The following PTPRD variants were observed in gnomAD, a reference collection of about 807,000 sequenced individuals.
PTPRD encodes the protein protein tyrosine phosphatase receptor type D.
In PTPRD, 34 loss-of-function variants were observed where a neutral mutation model predicts 214.5. The ratio of observed to expected loss-of-function variants is 0.16; its 90% CI spans 0.12 to 0.21. The LOEUF (loss-of-function observed/expected upper bound fraction) is 0.21. Among genes scored for constraint, PTPRD ranks in the 10% least tolerant of loss-of-function variants. The probability of loss-of-function intolerance (pLI) is 1.00; values close to 1 mark genes in which losing one functional copy is unlikely to be tolerated. For missense variants in PTPRD, 2,545 were observed against 2,398.7 expected (o/e 1.06, Z -1.27); for synonymous variants, 1,128 against 845.7 (o/e 1.33, Z -5.79).
chr9:8,509,092 AT>A (rs978753699), intron 21 of PTPRD, among the ~76,000 whole-genome samples: 2 of 152,084 alleles, frequency 1.3e-5, no homozygotes, highest in Non-Finnish European at 2.9e-5. Context: ...AGAGTATCAC[AT>A]TTTTTTCCCC....
chr9:9,509,167 C>A (rs532035691), intron 8 of PTPRD, among the ~76,000 whole-genome samples: 1 of 151,534 alleles, frequency 6.6e-6, no homozygotes. Flanking sequence ...AAAAGCCATT[C>A]TAAGTTGCTG....
intron 3 of PTPRD, among the ~76,000 whole-genome samples, chr9:10,048,556 T>C (rs1167519466): frequency 6.6e-6 from 1 of 152,058 alleles, no homozygotes; most frequent in African/African-American, 2.4e-5. Context: ...ACTCTTCCAG[T>C]GATAGATTCC....
chr9:9,340,833 G>A (rs550984984), intron 9 of PTPRD, among the ~76,000 whole-genome samples: 199 of 152,216 alleles, frequency 1.3e-3, no homozygotes, highest in African/African-American at 4.5e-3. Flanking sequence ...GATTTTTCAT[G>A]AGCTGTTACA....
intron 10 of PTPRD, among the ~76,000 whole-genome samples, chr9:9,089,555 G>A (rs1195553548): frequency 6.6e-6 from 1 of 152,074 alleles, no homozygotes; most frequent in Non-Finnish European, 1.5e-5. Context: ...AGTATGCAAG[G>A]GCCTACAAAT....
intron 31 of PTPRD, among the ~76,000 whole-genome samples, chr9:8,466,603 A>C (rs1216656819): frequency 6.6e-6 from 1 of 151,924 alleles, no homozygotes; most frequent in African/African-American, 2.4e-5. Flanking sequence ...ACAGGGTTTA[A>C]CAAGGGAAAG....
At chr9:8,648,003 T>C (rs2096730862) in intron 12 of PTPRD, among the ~76,000 whole-genome samples, 1 of 152,204 alleles carries the variant, frequency 6.6e-6, no homozygotes, top group African/African-American at 2.4e-5. Flanking sequence ...ATCTCTGATC[T>C]CACCTGGGAT....
At chr9:8,403,700 G>A (rs73420457) in intron 36 of PTPRD, among the ~76,000 whole-genome samples, 4,168 of 152,206 alleles carry the variant, frequency 0.027, 197 homozygotes, top group African/African-American at 0.096. Context: ...ACTCCTTACT[G>A]CAATTCTAAG....
intron 10 of PTPRD, among the ~76,000 whole-genome samples, chr9:9,034,255 C>T (rs1221832679): frequency 6.6e-6 from 1 of 152,104 alleles, no homozygotes; most frequent in Non-Finnish European, 1.5e-5. Flanking sequence ...GTTAGGAATC[C>T]ATATACAGCG....
chr9:9,746,660 A>C (rs1167650089), intron 6 of PTPRD, among the ~76,000 whole-genome samples: 1 of 152,180 alleles, frequency 6.6e-6, no homozygotes, highest in Admixed American at 6.5e-5. Context: ...TGAGAAGTGA[A>C]ATAAGGCATA....
intron 11 of PTPRD, among the ~76,000 whole-genome samples, chr9:8,876,416 T>C (rs529395579): frequency 1.3e-5 from 2 of 152,328 alleles, no homozygotes; most frequent in South Asian, 4.1e-4. Flanking sequence ...AGACCAGGAA[T>C]GTGATTTTCT....
chr9:9,836,084 G>C (rs2056667456), intron 5 of PTPRD, among the ~76,000 whole-genome samples: 1 of 151,528 alleles, frequency 6.6e-6, no homozygotes, highest in Non-Finnish European at 1.5e-5. Flanking sequence ...ATGGCCTAAA[G>C]CAAAAATCTA....
At chr9:8,434,789 T>C (rs1031370341) in intron 35 of PTPRD, among the ~76,000 whole-genome samples, 7 of 152,122 alleles carry the variant, frequency 4.6e-5, no homozygotes, top group Admixed American at 1.3e-4. Flanking sequence ...CCAGGTGCTA[T>C]TTATGATTTG....
chr9:8,777,979 A>G (rs1226314582), intron 11 of PTPRD, among the ~76,000 whole-genome samples: 1 of 152,192 alleles, frequency 6.6e-6, no homozygotes, highest in Non-Finnish European at 1.5e-5. Flanking sequence ...CGTCTTCCAT[A>G]TCAATGCTTT....
chr9:10,192,445 GAAAAAA>G (rs552289562), intron 3 of PTPRD, among the ~76,000 whole-genome samples: 2 of 72,644 alleles, frequency 2.8e-5, no homozygotes, highest in Non-Finnish European at 5.1e-5. Context: ...CACGATCCAG[GAAAAAA>G]AAAAAAAAAA....
intron 11 of PTPRD, among the ~76,000 whole-genome samples, chr9:8,953,481 A>G (rs760443266): frequency 6.6e-6 from 1 of 152,030 alleles, no homozygotes; most frequent in Non-Finnish European, 1.5e-5. Flanking sequence ...AATGGCAACA[A>G]AAACAAAAAT....
At chr9:8,870,021 C>T (rs989760910) in intron 11 of PTPRD, among the ~76,000 whole-genome samples, 1 of 151,720 alleles carries the variant, frequency 6.6e-6, no homozygotes, top group Non-Finnish European at 1.5e-5. Context: ...TGGGACATTT[C>T]AGGGGCTTTA....
intron 8 of PTPRD, among the ~76,000 whole-genome samples, chr9:9,540,302 G>A (rs530972544): frequency 1.3e-5 from 2 of 151,730 alleles, no homozygotes; most frequent in Non-Finnish European, 2.9e-5. Context: ...TATTCTTTGT[G>A]CTAGGGATAG....
At chr9:10,583,331 G>A (rs1307634020) in intron 2 of PTPRD, among the ~76,000 whole-genome samples, 1 of 148,760 alleles carries the variant, frequency 6.7e-6, no homozygotes, top group African/African-American at 2.4e-5. Context: ...ATTGACTAAG[G>A]AGGTAAGAGT....
chr9:9,594,133 C>T (rs1277296553), intron 7 of PTPRD, among the ~76,000 whole-genome samples: 1 of 152,008 alleles, frequency 6.6e-6, no homozygotes, highest in Non-Finnish European at 1.5e-5. Flanking sequence ...AGATCACTTA[C>T]TAATCTAGAA....
Sources: gnomAD v4.1 joint callset for allele counts (sites outside exome capture counted in the v4.1 genomes callset) on GRCh38, gnomAD v4.1.1 for gene constraint, MANE v1.5 for transcripts, NCBI Gene and HGNC (gene_info 2026-07-23, HGNC 2026-07-21) for gene names.